The following FOXD1 variants were observed in gnomAD, a reference collection of about 807,000 sequenced individuals.
The protein encoded by FOXD1 is forkhead box protein D1.
FOXD1 carries 4 observed loss-of-function variants against 2.0 expected under a neutral mutation model. That is an observed-to-expected ratio of 2.03 (90% CI 1.00 to 4.64). The LOEUF is 4.64. FOXD1 is among the 30% of genes most tolerant of loss of function. The pLI is 0.01. For synonymous variants in FOXD1, 354 were observed against 328.5 expected, an observed-to-expected ratio of 1.08 and a Z score of -0.84; for missense variants, 586 against 647.6, an observed-to-expected ratio of 0.90 and a Z score of 1.03.
In FOXD1 at chr5:73,448,381, GC is replaced by G; in HGVS notation, c.-20del. 1.6e-6 allele frequency: 2 copies of G among 1,224,444 alleles called. No individual in the cohort carries two copies. Among genetic ancestry groups the G allele is most frequent in the Non-Finnish European group, 2.1e-6 (2 of 966,422 alleles). The allele number at this position is 1,224,444 out of a possible 1,614,324, so 75.8% of individuals were successfully genotyped here. A position where few individuals can be genotyped will look rare whatever the true frequency, so the allele number is the denominator to read the frequency against. ...GGGTCATAGCTGTGGCGCGGCGGCGGCGGGGCGGCGCATGGGGGCGCCGGGC... is the reference window on the plus strand; with the variant it reads ...GGGTCATAGCTGTGGCGCGGCGGCGGGGGGCGGCGCATGGGGGCGCCGGGC... On this transcript the variant is annotated 5_prime_UTR_variant, in exon 1 of 1. Coordinates refer to ENST00000615637, the MANE Select transcript of FOXD1 (RefSeq NM_004472.3).
chr5:73,448,152 C>T lies in FOXD1; in HGVS notation c.211G>A (p.Glu71Lys). 2.1e-6 allele frequency: 3 copies of T among 1,413,822 alleles called. No homozygotes were observed. Among genetic ancestry groups the T allele is most frequent in the South Asian group, 2.8e-5 (2 of 71,370 alleles). 87.6% of individuals were successfully genotyped at this position (1,413,822 alleles called of 1,614,324 possible). ...GEDELEDLEE[E>K]EDDDDILLAP... ...AGCAGGATGTCATCGTCGTCCTCCT[C>T]CTCCTCCAGATCCTCCAGCTCGTCC... Residue 71 changes from glutamate to lysine, a missense_variant, in exon 1 of 1, where the codon GAG (glutamate) becomes AAG (lysine). By Grantham distance (56) the Glu-to-Lys change is moderately conservative. Transcript: ENST00000615637.
rs372594132 is a variant in FOXD1 at position 73,447,798 on chromosome 5, C to T, written c.565G>A (p.Glu189Lys). The change falls in exon 1 of 1, where the codon GAG becomes AAG. Residue 189 changes from glutamate to lysine, a missense_variant. Glu to Lys is a moderately conservative substitution (Grantham distance 56). Transcript: ENST00000615637. The surrounding 1 kb of genome is among the most constrained non-coding windows in gnomAD (Gnocchi z 7.8). ...TTGCCCTTGCCCGGGTTGCCGGGCT[C>T]GCGGGGGATCTTGACGAAGCAGTCG... ...LNDCFVKIPR[E>K]PGNPGKGNYW... 19 of 1,610,348 alleles carry T rather than the reference C, an allele frequency of 1.2e-5. No individual in the cohort carries two copies. Among genetic ancestry groups the T allele is most frequent in the Admixed American group, 1.2e-4 (7 of 59,632 alleles).
rs1400442671 is a variant in FOXD1 at position 73,447,595 on chromosome 5, C to CGCG, written c.765_767dup (p.Ala256dup). On this transcript the variant is annotated inframe_insertion, in exon 1 of 1. Coordinates refer to ENST00000615637, the MANE Select transcript of FOXD1 (RefSeq NM_004472.3). The surrounding 1 kb of genome is among the most constrained non-coding windows in gnomAD (Gnocchi z 7.8). ...GCGGCGGGGGCGCGGGCGGGAAGAG[C>CGCG]GCGGCGGCGGCTGCCGGGTCGCCCG... The CGCG allele has an allele frequency of 9.3e-6, 11 of 1,179,846 alleles. No individual in the cohort carries two copies. Among genetic ancestry groups the CGCG allele is most frequent in the African/African-American group, 6.6e-5 (4 of 61,048 alleles). The allele number at this position is 1,179,846 out of a possible 1,614,324, so 73.1% of individuals were successfully genotyped here. A position where few individuals can be genotyped will look rare whatever the true frequency, so the allele number is the denominator to read the frequency against.
At position 73,447,093 on chromosome 5, in the gene FOXD1, G is replaced by C. The variant is rs1237887326; in HGVS notation, c.1270C>G (p.Arg424Gly). 1 of 1,370,602 alleles carries C rather than the reference G, an allele frequency of 7.3e-7. No homozygotes were observed. Among genetic ancestry groups the C allele is most frequent in the Non-Finnish European group, 9.4e-7 (1 of 1,063,428 alleles). 84.9% of individuals were successfully genotyped at this position (1,370,602 alleles called of 1,614,324 possible). The change falls in exon 1 of 1, where the codon CGA becomes GGA. Residue 424 changes from arginine (R) to glycine (G), a missense_variant. Around this residue, in one of 4 missense-constraint regions of FOXD1, gnomAD observed 46 missense variants for 78.6 expected, o/e 0.58. Coordinates refer to ENST00000615637, the MANE Select transcript of FOXD1 (RefSeq NM_004472.3). This position sits in a 1 kb window ranked among gnomAD's most constrained non-coding sequence, Gnocchi z 7.8. ...AAVGPAAALTRSLVAAAAAAA... is the reference protein window; with the variant it reads ...AAVGPAAALTGSLVAAAAAAA... The stretch of plus-strand genomic sequence containing the variant: ...GCGGCCGCGGCGGCCACGAGGGATC[G>C]GGTGAGCGCGGCCGCCGGGCCCACG...
Position 73,447,226 on chromosome 5 carries a change from G to A in FOXD1, c.1137C>T (p.Ala379=), listed in dbSNP as rs1264100735. 2 of 988,294 alleles carry A rather than the reference G, an allele frequency of 2.0e-6. No homozygotes were observed. The highest frequency in any genetic ancestry group is 2.4e-6 in the Non-Finnish European group (2 of 834,294). 61.2% of individuals were successfully genotyped at this position (988,294 alleles called of 1,614,324 possible). A position where few individuals can be genotyped will look rare whatever the true frequency, so the allele number is the denominator to read the frequency against. Reference sequence around the variant, plus strand: ...CGGCGGCGGCGGCCTGCGCGGCGGCGGCGGCAGCGGCGGCCGGGCCCAAGC... The same window carrying A: ...CGGCGGCGGCGGCCTGCGCGGCGGCAGCGGCAGCGGCGGCCGGGCCCAAGC... The part of the protein sequence containing the change: ...GGSLGPAAAA[A]AAAQAAAAAQ... The change falls in exon 1 of 1, where the codon GCC becomes GCT. Residue 379 remains alanine, a synonymous_variant. Coordinates refer to ENST00000615637, the MANE Select transcript of FOXD1 (RefSeq NM_004472.3). The surrounding 1 kb of genome is among the most constrained non-coding windows in gnomAD (Gnocchi z 7.8).
rs1745539661 is a variant in FOXD1, at chr5:73,448,028, CCGCCGCCCG to C, written c.326_334del (p.Ala109_Gly111del). The C allele has an allele frequency of 1.1e-5, 15 of 1,333,446 alleles. No homozygotes were observed. The highest frequency in any genetic ancestry group is 1.4e-5 in the Non-Finnish European group (15 of 1,036,648). 82.6% of individuals were successfully genotyped at this position (1,333,446 alleles called of 1,614,324 possible). ...CTTGGCGCCGCTACCCGCGCTCCCG[CCGCCGCCCG>C]CGCCGCCGCCGCCGCCGCCCCCACC... On this transcript the variant is annotated inframe_deletion, in exon 1 of 1. Coordinates refer to ENST00000615637, the MANE Select transcript of FOXD1 (RefSeq NM_004472.3).
In FOXD1 at chr5:73,446,849, G is replaced by T; in HGVS notation, c.*116C>A. On this transcript the variant is annotated 3_prime_UTR_variant, in exon 1 of 1. Transcript: ENST00000615637. ...CGAGAATTCGCAGCGGCGAAAATGG[G>T]CGCGCGAGGTCGAGAGGGGCCGCGC... 1.1e-6 allele frequency: 1 copy of T among 904,788 alleles called. No individual in the cohort carries two copies. Among genetic ancestry groups the T allele is most frequent in the Non-Finnish European group, 1.7e-6 (1 of 600,872 alleles). The allele number at this position is 904,788 out of a possible 1,614,324, so 56.0% of individuals were successfully genotyped here.
Position 73,448,274 on chromosome 5 carries a change from T to A in FOXD1, c.89A>T (p.Asp30Val). Residue 30 changes from aspartate (D) to valine (V), a missense_variant, in exon 1 of 1, where the codon GAC (aspartate) becomes GTC (valine). This residue lies in a region of FOXD1 where 183 missense variants were observed against 159.2 expected (regional missense o/e 1.15). Transcript: ENST00000615637. ...DVVGEGEDEE[D>V]EEEEDDDEGG... The stretch of plus-strand genomic sequence containing the variant: ...CTCGTCGTCGTCCTCCTCTTCCTCG[T>A]CTTCTTCGTCCTCGCCCTCCCCCAC... 6.8e-7 allele frequency: 1 copy of A among 1,474,936 alleles called. No homozygotes were observed. The highest frequency in any genetic ancestry group is 1.3e-5 in the South Asian group (1 of 78,968). The allele number at this position is 1,474,936 out of a possible 1,614,324, so 91.4% of individuals were successfully genotyped here.
At position 73,448,328 on chromosome 5, in the gene FOXD1, C is replaced by G. The variant is rs1216300015; in HGVS notation, c.35G>C (p.Gly12Ala). 2 of 1,449,596 alleles carry G rather than the reference C, an allele frequency of 1.4e-6. No homozygotes were observed. Among genetic ancestry groups the G allele is most frequent in the Admixed American group, 2.4e-5 (1 of 41,320 alleles). The allele number at this position is 1,449,596 out of a possible 1,614,324, so 89.8% of individuals were successfully genotyped here. A position where few individuals can be genotyped will look rare whatever the true frequency, so the allele number is the denominator to read the frequency against. ...GTCGATGTCTGTTTCCTCGGCGAGG[C>G]CAGAGGCATCGGACATCTCAGTGCT... ...TLSTEMSDAS[G>A]LAEETDIDVV... The change falls in exon 1 of 1, where the codon GGC (glycine) becomes GCC (alanine). Residue 12 changes from glycine (G) to alanine (A), a missense_variant. Transcript: ENST00000615637.
chr5:73,448,324 G>A lies in FOXD1; in HGVS notation c.39C>T (p.Leu13=), dbSNP rs1487535826. 2.8e-6 allele frequency: 4 copies of A among 1,451,660 alleles called. No individual in the cohort carries two copies. Among genetic ancestry groups the A allele is most frequent in the Admixed American group, 2.4e-5 (1 of 41,424 alleles). 89.9% of individuals were successfully genotyped at this position (1,451,660 alleles called of 1,614,324 possible). A position where few individuals can be genotyped will look rare whatever the true frequency, so the allele number is the denominator to read the frequency against. ...LSTEMSDASG[L]AEETDIDVVG... ...CCACGTCGATGTCTGTTTCCTCGGC[G>A]AGGCCAGAGGCATCGGACATCTCAG... Residue 13 remains leucine (L), a synonymous_variant, in exon 1 of 1, where the codon CTC becomes CTT. Transcript: ENST00000615637.
Position 73,447,294 on chromosome 5 carries a change from G to A in FOXD1, c.1069C>T (p.Leu357=), listed in dbSNP as rs1745519703. Residue 357 remains leucine (L), a synonymous_variant, in exon 1 of 1, where the codon CTG becomes TTG. Coordinates refer to ENST00000615637, the MANE Select transcript of FOXD1 (RefSeq NM_004472.3). The surrounding 1 kb of genome is among the most constrained non-coding windows in gnomAD (Gnocchi z 7.8). The part of the protein sequence containing the change: ...AKAGGPGASA[L]ARSPFSIESI... Reference sequence around the variant, plus strand: ...TCGATGGAGAAGGGCGAGCGCGCCAGCGCTGAGGCGCCCGGGCCGCCCGCC... The same window carrying A: ...TCGATGGAGAAGGGCGAGCGCGCCAACGCTGAGGCGCCCGGGCCGCCCGCC... 3 of 985,302 alleles carry A rather than the reference G, an allele frequency of 3.0e-6. No homozygotes were observed. The highest frequency in any genetic ancestry group is 1.3e-4 in the Admixed American group (2 of 15,882). The allele number at this position is 985,302 out of a possible 1,614,324, so 61.0% of individuals were successfully genotyped here.
At position 73,448,433 on chromosome 5, in the gene FOXD1, C is replaced by T. The variant is rs890957044; in HGVS notation, c.-71G>A. On this transcript the variant is annotated 5_prime_UTR_variant, in exon 1 of 1. Transcript: ENST00000615637. ...TCCGGGCTCCCTCTGCGCCCCAGCC[C>T]GGGTCCCGGGCGGCAGGCCCGGCCG... 6 of 1,008,880 alleles carry T rather than the reference C, an allele frequency of 5.9e-6. No individual in the cohort carries two copies. The African/African-American group carries it at 1.0e-4, about 18-fold the overall frequency. 62.5% of individuals were successfully genotyped at this position (1,008,880 alleles called of 1,614,324 possible). A position where few individuals can be genotyped will look rare whatever the true frequency, so the allele number is the denominator to read the frequency against.
rs889811471 is a variant in FOXD1, at chr5:73,448,640, C to T, written c.-278G>A. 3 of 152,338 alleles carry T rather than the reference C, an allele frequency of 2.0e-5. No homozygotes were observed. The highest frequency in any genetic ancestry group is 2.9e-5 in the Non-Finnish European group (2 of 68,116). The allele number at this position is 152,338 out of a possible 1,614,324, so 9.4% of individuals were successfully genotyped here. On this transcript the variant is annotated 5_prime_UTR_variant, in exon 1 of 1. Transcript: ENST00000615637. Reference sequence around the variant, plus strand: ...CGGGCGGAGGACTTGACCTTCTCCTCTCGGAGCAGCTTTTGCCCCGTCAGC... The same window carrying T: ...CGGGCGGAGGACTTGACCTTCTCCTTTCGGAGCAGCTTTTGCCCCGTCAGC...
Position 73,447,904 on chromosome 5 carries a change from C to A in FOXD1, c.459G>T (p.Glu153Asp). Residue 153 changes from glutamate to aspartate, a missense_variant, in exon 1 of 1, where the codon GAG becomes GAT. Transcript: ENST00000615637. The surrounding 1 kb of genome is among the most constrained non-coding windows in gnomAD (Gnocchi z 7.8). ...KKRLTLSEIC[E>D]FISGRFPYYR... ...AGTAGGGGAAGCGGCCGCTGATGAA[C>A]TCACAGATCTCGCTCAGCGTCAGCC... 1 of 1,611,198 alleles carries A rather than the reference C, an allele frequency of 6.2e-7. No homozygotes were observed. The highest frequency in any genetic ancestry group is 8.5e-7 in the Non-Finnish European group (1 of 1,178,672).
chr5:73,446,846 T>C lies in FOXD1; in HGVS notation c.*119A>G. ...GTCCGAGAATTCGCAGCGGCGAAAA[T>C]GGGCGCGCGAGGTCGAGAGGGGCCG... is the stretch of plus-strand genomic sequence containing the variant. On this transcript the variant is annotated 3_prime_UTR_variant, in exon 1 of 1. Coordinates refer to ENST00000615637, the MANE Select transcript of FOXD1 (RefSeq NM_004472.3). 1.1e-6 allele frequency: 1 copy of C among 883,402 alleles called. No homozygotes were observed. The allele number at this position is 883,402 out of a possible 1,614,324, so 54.7% of individuals were successfully genotyped here.
chr5:73,447,004 G>A lies in FOXD1; in HGVS notation c.1359C>T (p.Ser453=), dbSNP rs1561240548. The change falls in exon 1 of 1, where the codon TCC becomes TCT. Residue 453 remains serine, a synonymous_variant. Coordinates refer to ENST00000615637, the MANE Select transcript of FOXD1 (RefSeq NM_004472.3). The surrounding 1 kb of genome is among the most constrained non-coding windows in gnomAD (Gnocchi z 7.8). ...LGTLHQGTAL[S]SVENFTARIS... is the part of the protein sequence containing the mutation. ...TCCTAGCAGTAAAGTTCTCGACACT[G>A]GACAGGGCAGTCCCTTGGTGCAGAG... 4 of 1,548,472 alleles carry A rather than the reference G, an allele frequency of 2.6e-6. No individual in the cohort carries two copies. The highest frequency in any genetic ancestry group is 2.6e-6 in the Non-Finnish European group (3 of 1,145,820).
chr5:73,447,612 G>C lies in FOXD1; in HGVS notation c.751C>G (p.Pro251Ala). Residue 251 changes from proline (P) to alanine (A), a missense_variant, in exon 1 of 1, where the codon CCG (proline) becomes GCG (alanine). Physicochemically the swap from Pro to Ala is conservative, Grantham distance 27. Around this residue, in one of 4 missense-constraint regions of FOXD1, gnomAD observed 253 missense variants for 234.4 expected, o/e 1.08. Transcript: ENST00000615637. This position sits in a 1 kb window ranked among gnomAD's most constrained non-coding sequence, Gnocchi z 7.8. ...GGGAAGAGCGCGGCGGCGGCTGCCGGGTCGCCCGCGCCCCCTGCGGCTCCC... is the reference window on the plus strand; with the variant it reads ...GGGAAGAGCGCGGCGGCGGCTGCCGCGTCGCCCGCGCCCCCTGCGGCTCCC... ...GAGAAGGAGD[P>A]AAAAALFPPA... 1 of 1,237,240 alleles carries C rather than the reference G, an allele frequency of 8.1e-7. No homozygotes were observed. Among genetic ancestry groups the C allele is most frequent in the Non-Finnish European group, 1.0e-6 (1 of 986,160 alleles). 76.6% of individuals were successfully genotyped at this position (1,237,240 alleles called of 1,614,324 possible). A position where few individuals can be genotyped will look rare whatever the true frequency, so the allele number is the denominator to read the frequency against.
In FOXD1 at chr5:73,447,201, C is replaced by G; in HGVS notation, c.1162G>C (p.Ala388Pro). The stretch of plus-strand genomic sequence containing the variant: ...GGCGAGGGCGAGGGCGAGGCCTGAG[C>G]GGCGGCGGCGGCCTGCGCGGCGGCG... ...AAAAAQAAAA[A>P]QASPSPSPVA... The change falls in exon 1 of 1, where the codon GCT (alanine) becomes CCT (proline). Residue 388 changes from alanine to proline, a missense_variant. Physicochemically the swap from Ala to Pro is conservative, Grantham distance 27 (BLOSUM62 -1). Coordinates refer to ENST00000615637, the MANE Select transcript of FOXD1 (RefSeq NM_004472.3). The surrounding 1 kb of genome is among the most constrained non-coding windows in gnomAD (Gnocchi z 7.8). 1.0e-6 allele frequency: 1 copy of G among 991,214 alleles called. No homozygotes were observed. Among genetic ancestry groups the G allele is most frequent in the South Asian group, 4.5e-5 (1 of 22,190 alleles). 61.4% of individuals were successfully genotyped at this position (991,214 alleles called of 1,614,324 possible).
In FOXD1 at chr5:73,446,966, T is replaced by C. The variant is rs1232371724; in HGVS notation, c.1397A>G (p.Ter466=). ...CTCGAGCGCGCTAACATAGCGTTATTAACAATTGGAAATCCTAGCAGTAAA... is the reference window on the plus strand; with the variant it reads ...CTCGAGCGCGCTAACATAGCGTTATCAACAATTGGAAATCCTAGCAGTAAA... The part of the protein sequence containing the change: ...ENFTARISNC[*] The change falls in exon 1 of 1, where the codon TAA becomes TGA. Residue 466 remains the stop codon, a stop_retained_variant. Transcript: ENST00000615637. 17 of 1,543,738 alleles carry C rather than the reference T, an allele frequency of 1.1e-5. No individual in the cohort carries two copies. The highest frequency in any genetic ancestry group is 2.5e-5 in the East Asian group (1 of 40,520).
Sources: gnomAD v4.1 joint callset for allele counts on GRCh38, gnomAD v4.1.1 for gene constraint, gnomAD v4.1.1 regional missense constraint, Gnocchi (gnomAD v3.1) non-coding constraint, MANE v1.5 for transcripts, NCBI Gene and HGNC (gene_info 2026-07-23, HGNC 2026-07-21) for gene names.